Variants in CNOT11 observed in about 807,000 individuals in gnomAD.
CNOT11 encodes UPF0760 protein C2orf29.
A neutral mutation model predicts 44.6 loss-of-function variants in CNOT11; 18 were observed. The observed-to-expected ratio is 0.40, with a 90% CI of 0.28 to 0.60. CNOT11 has a LOEUF of 0.60. Among genes scored for constraint, CNOT11 ranks in the 20% least tolerant of loss-of-function variants. CNOT11 has a pLI of 0.38. For missense variants in CNOT11, 513 were observed against 677.0 expected (o/e 0.76, Z 2.69); for synonymous variants, 291 against 270.9 (o/e 1.07, Z -0.73).
chr2:101,261,130 G>T (rs1681852806), intron 2 of CNOT11, among the ~76,000 whole-genome samples: 2 of 152,122 alleles, frequency 1.3e-5, no homozygotes, highest in Admixed American at 6.5e-5. Flanking sequence ...ATAATTAAGT[G>T]AACCAGGAGC....
In CNOT11 at chr2:101,266,752, G is replaced by A; in HGVS notation, c.1111G>A (p.Val371Met). The A allele has an allele frequency of 6.2e-7, 1 of 1,614,102 alleles. No individual in the cohort carries two copies. The highest frequency in any genetic ancestry group is 8.5e-7 in the Non-Finnish European group (1 of 1,179,996). The change falls in exon 5 of 7, where the codon GTG (valine) becomes ATG (methionine). Residue 371 changes from valine (V) to methionine (M), a missense_variant. By Grantham distance (21) the Val-to-Met change is conservative (BLOSUM62 1). Transcript: ENST00000289382. ...GLTPAKLPDL[V>M]ENNPLVAIEM... is the part of the protein sequence containing the mutation. The stretch of plus-strand genomic sequence containing the variant: ...CACCCCAGCCAAACTTCCTGACCTT[G>A]TGGAAAACAACCCTTTAGTCGCTAT...
At chr2:101,264,323 A>G (rs2104367924) in intron 3 of CNOT11, among the ~76,000 whole-genome samples, 1 of 152,344 alleles carries the variant, frequency 6.6e-6, no homozygotes, top group South Asian at 2.1e-4. Flanking sequence ...GACGGTTTCC[A>G]CATTCGTTTC....
Position 101,257,854 on chromosome 2 carries a change from C to CA in CNOT11, c.579dup (p.Arg194ThrfsTer26), listed in dbSNP as rs1310956931. On this transcript the variant is annotated frameshift_variant, in exon 2 of 7. Transcript: ENST00000289382. LOFTEE classifies it high-confidence loss of function. ...CTTTCCCAGCTGATGCTGGCACCCCCACGGGAACTCTTCAAAAAGACGCCT... is the reference window on the plus strand; with the variant it reads ...CTTTCCCAGCTGATGCTGGCACCCCCAACGGGAACTCTTCAAAAAGACGCCT... 1 of 1,614,024 alleles carries CA rather than the reference C, an allele frequency of 6.2e-7. No homozygotes were observed.
At chr2:101,262,420 C>CTT in intron 2 of CNOT11, 119 bp from the exon 3 acceptor site, 2 of 855,414 alleles carry the variant, frequency 2.3e-6, no homozygotes, top group Non-Finnish European at 3.7e-6. Context: ...CACATTTTCT[C>CTT]TCTCTCTCTG....
At position 101,253,580 on chromosome 2, in the gene CNOT11, G is replaced by A. The variant is rs981653049; in HGVS notation, c.514+102G>A. 1 of 1,059,524 alleles carries A rather than the reference G, an allele frequency of 9.4e-7. No homozygotes were observed. Among genetic ancestry groups the A allele is most frequent in the Non-Finnish European group, 1.3e-6 (1 of 780,540 alleles). The allele number at this position is 1,059,524 out of a possible 1,614,324, so 65.6% of individuals were successfully genotyped here. On this transcript the variant is annotated intron_variant, in intron 1 of 6. Coordinates refer to ENST00000289382, the MANE Select transcript of CNOT11 (RefSeq NM_017546.5). This position sits in a 1 kb window ranked among gnomAD's most constrained non-coding sequence, Gnocchi z 4.3. ...CCTGAAAGGGAAATTAACTATCCCTGTGAAATGATCATCCTCTTTTTCCGC... is the reference window on the plus strand; with the variant it reads ...CCTGAAAGGGAAATTAACTATCCCTATGAAATGATCATCCTCTTTTTCCGC...
intron 1 of CNOT11, among the ~76,000 whole-genome samples, chr2:101,254,398 G>C (rs1681693060): frequency 6.6e-6 from 1 of 152,076 alleles, no homozygotes; most frequent in Admixed American, 6.6e-5. Flanking sequence ...CAGGAGGGCC[G>C]CGTTTCTAGT....
chr2:101,255,902 C>T (rs935313469), intron 1 of CNOT11, among the ~76,000 whole-genome samples: 1 of 152,066 alleles, frequency 6.6e-6, no homozygotes, highest in Non-Finnish European at 1.5e-5. Flanking sequence ...CTTTGGGAGG[C>T]CAAGGCAGGC....
chr2:101,268,205 C>T (rs749500039), intron 5 of CNOT11, among the ~76,000 whole-genome samples: 1 of 55,272 alleles, frequency 1.8e-5, no homozygotes, highest in Non-Finnish European at 4.7e-5. Flanking sequence ...CATCTCCCCC[C>T]TCTTTGTTCC....
intron 1 of CNOT11, 23 bp from the exon 2 acceptor site, chr2:101,257,768 T>C (rs760262816): frequency 1.3e-5 from 21 of 1,592,474 alleles, no homozygotes; most frequent in Non-Finnish European, 1.8e-5. Context: ...ATTGGAGAAA[T>C]CGTTATACAT....
Position 101,264,957 on chromosome 2 carries a change from G to A in CNOT11, c.945G>A (p.Ser315=), listed in dbSNP as rs777779781. 5 of 1,614,024 alleles carry A rather than the reference G, an allele frequency of 3.1e-6. No individual in the cohort carries two copies. Among genetic ancestry groups the A allele is most frequent in the East Asian group, 2.2e-5 (1 of 44,894 alleles). Residue 315 remains serine, a synonymous_variant, in exon 4 of 7, where the codon TCG becomes TCA. Coordinates refer to ENST00000289382, the MANE Select transcript of CNOT11 (RefSeq NM_017546.5). The stretch of plus-strand genomic sequence containing the variant: ...ACCACGCGATCCAGTGGGATAAATC[G>A]ATGTGTGTTAAGAATAGCACTGGTG... ...EPDHAIQWDK[S]MCVKNSTGVE...
In CNOT11 at chr2:101,253,712, A is replaced by T. The variant is rs1357027255; in HGVS notation, c.514+234A>T. On this transcript the variant is annotated intron_variant, in intron 1 of 6. Transcript: ENST00000289382. The surrounding 1 kb of genome is among the most constrained non-coding windows in gnomAD (Gnocchi z 4.3). ...GTGACACCGAAAATGATTTCTCTAT[A>T]CACCCCATCACATCATACAGCTCAG... 2.0e-5 allele frequency among the ~76,000 whole-genome samples: 3 copies of T among 152,168 alleles called. No individual in the cohort carries two copies. Among genetic ancestry groups the T allele is most frequent in the Admixed American group, 6.5e-5 (1 of 15,274 alleles).
Position 101,253,354 on chromosome 2 carries a change from G to A in CNOT11, c.390G>A (p.Leu130=), listed in dbSNP as rs779450607. The change falls in exon 1 of 7, where the codon CTG becomes CTA. Residue 130 remains leucine, a synonymous_variant. Coordinates refer to ENST00000289382, the MANE Select transcript of CNOT11 (RefSeq NM_017546.5). This position sits in a 1 kb window ranked among gnomAD's most constrained non-coding sequence, Gnocchi z 4.3. ...SAAQRLTALY[L]LWEMYRTEPL... is the part of the protein sequence containing the mutation. ...CGCAGCGCCTCACGGCGCTCTACCT[G>A]CTCTGGGAGATGTACCGCACCGAGC... 53 of 1,601,684 alleles carry A rather than the reference G, an allele frequency of 3.3e-5. No individual in the cohort carries two copies. The East Asian group carries it at 1.0e-3, about 31-fold the overall frequency.
In CNOT11 at chr2:101,264,882, A is replaced by G; in HGVS notation, c.870A>G (p.Pro290=). The G allele has an allele frequency of 3.1e-6, 5 of 1,613,938 alleles. No homozygotes were observed. Among genetic ancestry groups the G allele is most frequent in the Non-Finnish European group, 4.2e-6 (5 of 1,179,988 alleles). Residue 290 remains proline (P), a synonymous_variant, in exon 4 of 7, where the codon CCA becomes CCG. Coordinates refer to ENST00000289382, the MANE Select transcript of CNOT11 (RefSeq NM_017546.5). ...CAGAGTTTATTCGTCCACCGCCTCC[A>G]CTCCACATTTGTGAGGATGAACTTG... ...FRPEFIRPPP[P]LHICEDELAW...
chr2:101,266,952 A>G (rs376927823), intron 5 of CNOT11, 73 bp downstream of exon 5: 3 of 1,127,340 alleles, frequency 2.7e-6, no homozygotes. Flanking sequence ...AAATTGTAAC[A>G]GATTTTTGTC....
intron 2 of CNOT11, among the ~76,000 whole-genome samples, chr2:101,262,023 T>C (rs1681876146): frequency 2.0e-5 from 3 of 151,778 alleles, no homozygotes; most frequent in Admixed American, 6.6e-5. Flanking sequence ...ATTTTTTGTA[T>C]TTTTTTAGTA....
Position 101,253,038 on chromosome 2 carries a change from C to A in CNOT11, c.74C>A (p.Ala25Glu), listed in dbSNP as rs762145829. 7 of 1,514,878 alleles carry A rather than the reference C, an allele frequency of 4.6e-6. No homozygotes were observed. In the African/African-American group the frequency reaches 1.0e-4, roughly 22 times the overall value. The allele number at this position is 1,514,878 out of a possible 1,614,324, so 93.8% of individuals were successfully genotyped here. A position where few individuals can be genotyped will look rare whatever the true frequency, so the allele number is the denominator to read the frequency against. The change falls in exon 1 of 7, where the codon GCG becomes GAG. Residue 25 changes from alanine to glutamate, a missense_variant. Physicochemically the swap from Ala to Glu is moderately radical, Grantham distance 107 (BLOSUM62 -1). Transcript: ENST00000289382. This position sits in a 1 kb window ranked among gnomAD's most constrained non-coding sequence, Gnocchi z 4.3. ...TAAEQRGSRE[A>E]AGSASRSGFG... is the part of the protein sequence containing the mutation. ...GCGGAGCAAAGAGGGTCCCGGGAAGCGGCAGGGTCGGCGTCCAGGAGCGGC... is the reference window on the plus strand; with the variant it reads ...GCGGAGCAAAGAGGGTCCCGGGAAGAGGCAGGGTCGGCGTCCAGGAGCGGC...
Position 101,253,612 on chromosome 2 carries a change from C to T in CNOT11, c.514+134C>T, listed in dbSNP as rs1681677116. 2.3e-6 allele frequency: 2 copies of T among 887,120 alleles called. No homozygotes were observed. Among genetic ancestry groups the T allele is most frequent in the South Asian group, 2.0e-5 (1 of 51,014 alleles). 55.0% of individuals were successfully genotyped at this position (887,120 alleles called of 1,614,324 possible). On this transcript the variant is annotated intron_variant, in intron 1 of 6. Coordinates refer to ENST00000289382, the MANE Select transcript of CNOT11 (RefSeq NM_017546.5). This position sits in a 1 kb window ranked among gnomAD's most constrained non-coding sequence, Gnocchi z 4.3. ...GATCATCCTCTTTTTCCGCCTCTCT[C>T]TGCGTTCCCACGCCCCTCACTCCTC...
At position 101,261,844 on chromosome 2, in the gene CNOT11, C is replaced by CTTT. The variant is rs3044629; in HGVS notation, c.680-677_680-675dup. Among the ~76,000 whole-genome samples, 1,112 of 111,840 alleles carry CTTT rather than the reference C, an allele frequency of 9.9e-3. 46 individuals carry two copies. Among genetic ancestry groups the CTTT allele is most frequent in the East Asian group, 0.046 (169 of 3,680 alleles). The allele number at this position is 111,840 out of a possible 152,430, so 73.4% of individuals were successfully genotyped here. A position where few individuals can be genotyped will look rare whatever the true frequency, so the allele number is the denominator to read the frequency against. Reference sequence around the variant, plus strand: ...TTTTTTCCTGTTGGTTTCTTTCTTTCTTTTTTTTTTTTTTTTTTTTGAGAT... The same window carrying CTTT: ...TTTTTTCCTGTTGGTTTCTTTCTTTCTTTTTTTTTTTTTTTTTTTTTTTGAGAT... On this transcript the variant is annotated intron_variant, in intron 2 of 6. Transcript: ENST00000289382.
chr2:101,265,279 T>C (rs1681956373), intron 4 of CNOT11, among the ~76,000 whole-genome samples: 3 of 152,088 alleles, frequency 2.0e-5, no homozygotes, highest in Non-Finnish European at 2.9e-5. Flanking sequence ...TTTTGTATTT[T>C]TATGAGATGG....
Sources: allele counts gnomAD v4.1 joint callset (sites outside exome capture counted in the v4.1 genomes callset), GRCh38; gene constraint gnomAD v4.1.1; non-coding constraint Gnocchi (gnomAD v3.1); transcripts MANE v1.5; gene names NCBI Gene and HGNC (gene_info 2026-07-23, HGNC 2026-07-21).